The following SUDS3 variants were observed in gnomAD, a reference collection of about 807,000 sequenced individuals.
SUDS3 encodes the protein sin3 histone deacetylase corepressor complex component SDS3.
In SUDS3, 23 loss-of-function variants were observed where a neutral mutation model predicts 53.5. The observed-to-expected ratio is 0.43, with a 90% confidence interval of 0.31 to 0.61. The LOEUF is 0.61. SUDS3 is among the 20% of genes least tolerant of loss of function. The pLI, the probability that SUDS3 is intolerant of heterozygous loss-of-function variation, is 0.10. For missense variants in SUDS3, 291 were observed against 405.9 expected (o/e 0.72, Z 2.43); for synonymous variants, 150 against 148.5 (o/e 1.01, Z -0.08).
intron 6 of SUDS3, among the ~76,000 whole-genome samples, chr12:118,399,525 A>G (rs1481541545): frequency 6.6e-6 from 1 of 152,074 alleles, no homozygotes; most frequent in Non-Finnish European, 1.5e-5. Context: ...ATATTTAGTA[A>G]CAAGAGTGAT....
At chr12:118,388,670 G>A (rs1165243294) in intron 4 of SUDS3, among the ~76,000 whole-genome samples, 3 of 152,162 alleles carry the variant, frequency 2.0e-5, no homozygotes, top group African/African-American at 7.2e-5. Context: ...CCTCAGGAGG[G>A]GGCTGCATTC....
chr12:118,413,487 TAG>T (rs2141396941), intron 11 of SUDS3, among the ~76,000 whole-genome samples: 1 of 152,288 alleles, frequency 6.6e-6, no homozygotes, highest in South Asian at 2.1e-4. Context: ...CCAATGATAG[TAG>T]TTATTTCATA....
At chr12:118,411,723 G>A (rs907784678) in intron 11 of SUDS3, among the ~76,000 whole-genome samples, 2 of 151,858 alleles carry the variant, frequency 1.3e-5, no homozygotes, top group African/African-American at 4.8e-5. Flanking sequence ...GGCTGGTCTT[G>A]AACTCCTGAC....
Position 118,403,412 on chromosome 12 carries a change from C to T in SUDS3, c.698C>T (p.Ala233Val), listed in dbSNP as rs2046281497. ...TCACGTAAGTATTGGTTTCCTCCAG[C>T]ATCTCCATCCTCTCCTGAGCACTTG... The part of the protein sequence containing the change: ...LNKLKSPKRP[A>V]SPSSPEHLPA... Residue 233 changes from alanine to valine, a missense_variant and splice_region_variant, in exon 10 of 12, where the codon GCA becomes GTA. This residue lies in a region of SUDS3 where 77 missense variants were observed against 87.1 expected (regional missense o/e 0.88). Transcript: ENST00000543473. 1.9e-6 allele frequency: 3 copies of T among 1,612,730 alleles called. No homozygotes were observed.
At position 118,376,853 on chromosome 12, in the gene SUDS3, C is replaced by T. The variant is rs751327319; in HGVS notation, c.142+20C>T. The T allele has an allele frequency of 1.5e-6, 2 of 1,367,162 alleles. No homozygotes were observed. The highest frequency in any genetic ancestry group is 1.9e-6 in the Non-Finnish European group (2 of 1,045,794). 84.7% of individuals were successfully genotyped at this position (1,367,162 alleles called of 1,614,324 possible). ...ACGAAGGTGAGTCCTGCCGCTCGCC[C>T]GGCCGCCCGGAGCGGAGGTGGGACC... On this transcript the variant is annotated intron_variant, in intron 1 of 11. Transcript: ENST00000543473.
rs147280706 is a variant in SUDS3, at chr12:118,409,549, T to C, written c.804-1524T>C. Among the ~76,000 whole-genome samples, 49 of 152,348 alleles carry C rather than the reference T, an allele frequency of 3.2e-4. No individual in the cohort carries two copies. The East Asian group carries it at 9.3e-3, about 29-fold the overall frequency. On this transcript the variant is annotated intron_variant, in intron 10 of 11. Transcript: ENST00000543473. ...GTTAAAGAGAATTGAGACCCTAGAC[T>C]GGAAAAAGCTCATTATGGGAGTGAA...
intron 10 of SUDS3, among the ~76,000 whole-genome samples, chr12:118,410,190 C>T (rs1020263133): frequency 2.0e-5 from 3 of 152,156 alleles, no homozygotes; most frequent in South Asian, 2.1e-4. Flanking sequence ...CAGCATAGTC[C>T]GTGGTACACA....
At chr12:118,398,453 C>G (rs1462959624) in intron 6 of SUDS3, among the ~76,000 whole-genome samples, 2 of 151,880 alleles carry the variant, frequency 1.3e-5, no homozygotes, top group African/African-American at 2.4e-5. Context: ...AGGGAGAAGC[C>G]TTCACCACTT....
At position 118,417,556 on chromosome 12, in the gene SUDS3, T is replaced by G. The variant is rs1034534643; in HGVS notation, c.*3123T>G. The stretch of plus-strand genomic sequence containing the variant: ...ATTTGTCCAAAGAGTTGAAATCACT[T>G]TAATGCCAGAACATGGTAAATTTGC... On this transcript the variant is annotated 3_prime_UTR_variant, in exon 12 of 12. Transcript: ENST00000543473. The G allele has an allele frequency of 6.6e-6, 1 of 152,194 alleles. No homozygotes were observed. Among genetic ancestry groups the G allele is most frequent in the Non-Finnish European group, 1.5e-5 (1 of 68,036 alleles). The allele number at this position is 152,194 out of a possible 1,614,324, so 9.4% of individuals were successfully genotyped here. A position where few individuals can be genotyped will look rare whatever the true frequency, so the allele number is the denominator to read the frequency against.
At chr12:118,411,969 G>T (rs1023331485) in intron 11 of SUDS3, among the ~76,000 whole-genome samples, 1 of 152,190 alleles carries the variant, frequency 6.6e-6, no homozygotes, top group Non-Finnish European at 1.5e-5. Flanking sequence ...CCCAGTAAGT[G>T]CTCACTAAGT....
At chr12:118,382,074 C>G (rs540558747) in intron 2 of SUDS3, among the ~76,000 whole-genome samples, 1 of 151,520 alleles carries the variant, frequency 6.6e-6, no homozygotes, top group East Asian at 1.9e-4. Flanking sequence ...GAGTCTCACT[C>G]TGTCACCCAG....
At chr12:118,379,797 G>A (rs1168625209) in intron 1 of SUDS3, among the ~76,000 whole-genome samples, 1 of 152,186 alleles carries the variant, frequency 6.6e-6, no homozygotes, top group African/African-American at 2.4e-5. Flanking sequence ...CTATTCTGTG[G>A]CTGCATTTCA....
In SUDS3 at chr12:118,404,580, A is replaced by G. The variant is rs1416244915; in HGVS notation, c.803+1063A>G. The G allele has an allele frequency of 1.3e-5, 2 of 152,208 alleles. 1 individual carries two copies. Among genetic ancestry groups the G allele is most frequent in the East Asian group, 3.8e-4 (2 of 5,204 alleles). 9.4% of individuals were successfully genotyped at this position (152,208 alleles called of 1,614,324 possible). On this transcript the variant is annotated intron_variant, in intron 10 of 11. Coordinates refer to ENST00000543473, the MANE Select transcript of SUDS3 (RefSeq NM_022491.3). ...GCTTTCTGCTAGATATGAAATGGAT[A>G]CTGCCATCATTTCTCAGGTCTTTTC...
At chr12:118,397,033 C>T (rs1345501459) in intron 6 of SUDS3, among the ~76,000 whole-genome samples, 1 of 152,160 alleles carries the variant, frequency 6.6e-6, no homozygotes. Context: ...GATGTTTTTT[C>T]TCACATAACG....
chr12:118,381,358 C>A (rs939495737), intron 2 of SUDS3, among the ~76,000 whole-genome samples: 1 of 151,722 alleles, frequency 6.6e-6, no homozygotes, highest in East Asian at 1.9e-4. Flanking sequence ...ACATGCACCA[C>A]CATGCCCGGC....
At chr12:118,402,906 A>G (rs1225521690) in intron 9 of SUDS3, among the ~76,000 whole-genome samples, 1 of 152,006 alleles carries the variant, frequency 6.6e-6, no homozygotes, top group East Asian at 1.9e-4. Flanking sequence ...GACAACAGGC[A>G]TGTGCCACCA....
At chr12:118,389,599 C>T (rs1194764057) in intron 4 of SUDS3, among the ~76,000 whole-genome samples, 1 of 151,788 alleles carries the variant, frequency 6.6e-6, no homozygotes, top group Non-Finnish European at 1.5e-5. Context: ...GCAACCTCTG[C>T]CGCTCAGGTT....
intron 6 of SUDS3, among the ~76,000 whole-genome samples, chr12:118,399,974 A>T (rs2046249283): frequency 6.6e-6 from 1 of 151,924 alleles, no homozygotes; most frequent in South Asian, 2.1e-4. Context: ...AGACAAGCGA[A>T]CCCCGAGGAG....
rs1407221544 is a variant in SUDS3 at position 118,410,948 on chromosome 12, C to G, written c.804-125C>G. 2.1e-5 allele frequency: 17 copies of G among 818,912 alleles called. No homozygotes were observed. The Admixed American group carries it at 3.7e-4, about 18-fold the overall frequency. 50.7% of individuals were successfully genotyped at this position (818,912 alleles called of 1,614,324 possible). A position where few individuals can be genotyped will look rare whatever the true frequency, so the allele number is the denominator to read the frequency against. ...TAAATGGGAAATCCAGGCTATTCCTCAAATGTGAATTATTAAGACTTCTTT... is the reference window on the plus strand; with the variant it reads ...TAAATGGGAAATCCAGGCTATTCCTGAAATGTGAATTATTAAGACTTCTTT... On this transcript the variant is annotated intron_variant, in intron 10 of 11. Coordinates refer to ENST00000543473, the MANE Select transcript of SUDS3 (RefSeq NM_022491.3).
Sources: allele counts gnomAD v4.1 joint callset (sites outside exome capture counted in the v4.1 genomes callset), GRCh38; gene constraint gnomAD v4.1.1; regional missense constraint gnomAD v4.1.1; transcripts MANE v1.5; gene names NCBI Gene and HGNC (gene_info 2026-07-23, HGNC 2026-07-21).